C11orf65: variants seen among roughly 807,000 people sequenced by gnomAD.
The protein encoded by C11orf65 is protein MFI.
Under a neutral mutation model 35.3 loss-of-function variants are expected in C11orf65, and 38 were observed. The ratio of observed to expected loss-of-function variants is 1.08; its 90% confidence interval spans 0.83 to 1.41. The LOEUF (loss-of-function observed/expected upper bound fraction) is 1.41, where lower values mean the gene tolerates loss of function less well. C11orf65 is among the 40% of genes most tolerant of loss of function. The pLI, the probability that C11orf65 is intolerant of heterozygous loss-of-function variation, is 0.00. For synonymous variants in C11orf65, 105 were observed against 114.4 expected, an observed-to-expected ratio of 0.92 and a Z score of 0.53; for missense variants, 370 against 367.1, an observed-to-expected ratio of 1.01 and a Z score of -0.06.
downstream of C11orf65, among the ~76,000 whole-genome samples, chr11:108,381,860 T>G (rs527861657): frequency 2.6e-4 from 40 of 152,286 alleles, no homozygotes; most frequent in Non-Finnish European, 4.1e-4. Context: ...GCATTTCTAA[T>G]TAATAGAATA....
intron 6 of C11orf65, chr11:108,312,520 A>T (rs1353810569): frequency 2.0e-6 from 3 of 1,484,674 alleles, no homozygotes; most frequent in Non-Finnish European, 2.8e-6. Context: ...AGGCTCTATT[A>T]TTTATGACAG....
intron 2 of C11orf65, among the ~76,000 whole-genome samples, chr11:108,361,627 C>G (rs1254401500): frequency 6.6e-6 from 1 of 151,414 alleles, no homozygotes; most frequent in Non-Finnish European, 1.5e-5. Context: ...AGAACAGAGC[C>G]CTTAGAAATA....
chr11:108,312,558 G>C (rs1421587440), intron 6 of C11orf65: 5 of 1,227,918 alleles, frequency 4.1e-6, no homozygotes, highest in African/African-American at 3.0e-5. Context: ...GGGTTATTTT[G>C]TTATAGACAC....
intron 2 of C11orf65, chr11:108,347,457 A>G (rs1591275567): frequency 2.7e-6 from 3 of 1,093,708 alleles, no homozygotes; most frequent in East Asian, 2.5e-5. Flanking sequence ...CAAATATAAG[A>G]GACAGATAAA....
intron 2 of C11orf65, among the ~76,000 whole-genome samples, chr11:108,342,572 G>C (rs925037290): frequency 1.3e-5 from 2 of 152,106 alleles, no homozygotes; most frequent in Non-Finnish European, 2.9e-5. Flanking sequence ...AAGCACACAA[G>C]GGGGAGCTTC....
downstream of C11orf65, chr11:108,327,800 G>GCTAAGT: frequency 2.2e-6 from 3 of 1,355,788 alleles, no homozygotes; most frequent in Non-Finnish European, 3.2e-6. Flanking sequence ...TACTTAGCAT[G>GCTAAGT]AATATGCTTC....
At chr11:108,333,137 C>T (rs770230207) in intron 3 of C11orf65, among the ~76,000 whole-genome samples, 1 of 152,144 alleles carries the variant, frequency 6.6e-6, no homozygotes, top group African/African-American at 2.4e-5. Context: ...TGATAATCTT[C>T]TGGCATACAT....
intron 3 of C11orf65, among the ~76,000 whole-genome samples, chr11:108,410,303 C>A (rs1407764787): frequency 6.6e-6 from 1 of 152,186 alleles, no homozygotes; most frequent in East Asian, 1.9e-4. Context: ...ACTAACCATG[C>A]TGAGCACCTT....
At chr11:108,313,854 A>G (rs2084377687) in intron 6 of C11orf65, among the ~76,000 whole-genome samples, 2 of 152,352 alleles carry the variant, frequency 1.3e-5, no homozygotes, top group South Asian at 4.1e-4. Context: ...TTTTCTATGC[A>G]GTATAGTTCC....
At chr11:108,326,268 TA>T (rs774886495) in intron 6 of C11orf65, 2 of 1,607,350 alleles carry the variant, frequency 1.2e-6, no homozygotes, top group Non-Finnish European at 1.7e-6. Flanking sequence ...TACTGTTATT[TA>T]AAAAAACACA....
intron 2 of C11orf65, among the ~76,000 whole-genome samples, chr11:108,376,199 C>T (rs1171968191): frequency 6.6e-6 from 1 of 152,070 alleles, no homozygotes; most frequent in Admixed American, 6.6e-5. Flanking sequence ...TTCAGCACCA[C>T]ACCTATTCCA....
intron 2 of C11orf65, chr11:108,364,955 A>G (rs892075510): frequency 1.7e-5 from 17 of 1,003,584 alleles, no homozygotes; most frequent in Non-Finnish European, 2.5e-5. Context: ...AGTGTGCATG[A>G]TGTTTGTTCC....
intron 8 of C11orf65, among the ~76,000 whole-genome samples, chr11:108,384,922 T>C (rs1432407811): frequency 6.6e-6 from 1 of 152,244 alleles, no homozygotes; most frequent in Non-Finnish European, 1.5e-5. Flanking sequence ...TTCTGGGGTC[T>C]GATGACACTC....
downstream of C11orf65, chr11:108,327,594 G>C (rs2085800355): frequency 7.0e-7 from 1 of 1,434,674 alleles, no homozygotes; most frequent in Non-Finnish European, 9.8e-7. Context: ...GGGCAGTTGG[G>C]TACAGTCATG....
chr11:108,463,262 C>T (rs751189966), intron 1 of C11orf65, among the ~76,000 whole-genome samples: 4 of 152,032 alleles, frequency 2.6e-5, no homozygotes, highest in Non-Finnish European at 5.9e-5. Flanking sequence ...AGAGGCTAAA[C>T]AGAAAACTTT....
intron 7 of C11orf65, among the ~76,000 whole-genome samples, chr11:108,387,783 C>T (rs1183541269): frequency 6.6e-6 from 1 of 152,204 alleles, no homozygotes; most frequent in Non-Finnish European, 1.5e-5. Flanking sequence ...CTACCTTGGC[C>T]TCCCAAAGTG....
chr11:108,444,433 A>G (rs1433947925), intron 2 of C11orf65, among the ~76,000 whole-genome samples: 4 of 152,192 alleles, frequency 2.6e-5, no homozygotes, highest in Non-Finnish European at 5.9e-5. Context: ...ATCCCAATCA[A>G]TAGAAAAAGA....
intron 2 of C11orf65, among the ~76,000 whole-genome samples, chr11:108,448,478 A>G (rs1002186802): frequency 5.9e-5 from 9 of 152,222 alleles, no homozygotes; most frequent in African/African-American, 2.2e-4. Flanking sequence ...GGCTGCTTCA[A>G]CATATGCAAA....
rs587782198 is a variant in C11orf65 at position 108,310,305 on chromosome 11, CA to C, written c.641-1235del. The C allele has an allele frequency of 4.3e-6, 7 of 1,612,804 alleles. No individual in the cohort carries two copies. Among genetic ancestry groups the C allele is most frequent in the Non-Finnish European group, 5.9e-6 (7 of 1,179,390 alleles). ...TGCAGATAAGAAAAGTATGGATGAT[CA>C]AGAGAAAAGGTAATGGAATTTAGAA... is the stretch of plus-strand genomic sequence containing the variant. On this transcript the variant is annotated intron_variant, in intron 6 of 6. Coordinates refer to the C11orf65 transcript ENST00000525729.
Sources: allele counts gnomAD v4.1 joint callset (sites outside exome capture counted in the v4.1 genomes callset), GRCh38; gene constraint gnomAD v4.1.1; transcripts MANE v1.5; gene names NCBI Gene and HGNC (gene_info 2026-07-23, HGNC 2026-07-21).